Variants in NEGR1 observed in about 807,000 individuals in gnomAD.
NEGR1 encodes the protein neuronal growth regulator 1, also known as IgLON family member 4.
A neutral mutation model predicts 40.9 loss-of-function variants in NEGR1; 10 were observed. That is an observed-to-expected ratio of 0.24 (90% CI 0.15 to 0.42). The LOEUF is 0.42. Ranked by LOEUF, NEGR1 falls within the 10% of genes least tolerant of loss-of-function variation. NEGR1 has a pLI of 1.00. For synonymous variants in NEGR1, 185 were observed against 166.8 expected (o/e 1.11, Z -0.84); for missense variants, 352 against 438.9 (o/e 0.80, Z 1.77).
chr1:72,120,435 A>C (rs1386305744), intron 1 of NEGR1, among the ~76,000 whole-genome samples: 1 of 152,046 alleles, frequency 6.6e-6, no homozygotes, highest in Non-Finnish European at 1.5e-5. Flanking sequence ...TTAAGGATGA[A>C]ATTAGCCACC....
At chr1:71,942,853 G>A (rs1015003977) in intron 1 of NEGR1, among the ~76,000 whole-genome samples, 1 of 139,588 alleles carries the variant, frequency 7.2e-6, no homozygotes, top group South Asian at 2.5e-4. Context: ...CCAGGCTTGA[G>A]TACAGTGGAA....
chr1:72,263,241 C>T (rs1388410430), intron 1 of NEGR1, among the ~76,000 whole-genome samples: 1 of 151,540 alleles, frequency 6.6e-6, no homozygotes, highest in Non-Finnish European at 1.5e-5. Context: ...TTTCTCAACA[C>T]ATTCATATTA....
chr1:71,976,666 A>C (rs1228941482), intron 1 of NEGR1, among the ~76,000 whole-genome samples: 2 of 152,306 alleles, frequency 1.3e-5, no homozygotes, highest in Non-Finnish European at 2.9e-5. Context: ...TGAGTTTATA[A>C]GTGAAATAAA....
At chr1:71,770,966 A>G (rs1342520476) in intron 3 of NEGR1, among the ~76,000 whole-genome samples, 1 of 152,184 alleles carries the variant, frequency 6.6e-6, no homozygotes, top group Admixed American at 6.5e-5. Context: ...TACCCAAAGG[A>G]TTATAAATCA....
At chr1:71,841,663 A>T (rs745578442) in intron 2 of NEGR1, among the ~76,000 whole-genome samples, 74 of 152,298 alleles carry the variant, frequency 4.9e-4, no homozygotes, top group Middle Eastern at 6.8e-3. Flanking sequence ...CCTCATCTTC[A>T]GAATAAAAAG....
At chr1:71,808,856 C>T (rs1657877805) in intron 2 of NEGR1, among the ~76,000 whole-genome samples, 1 of 152,074 alleles carries the variant, frequency 6.6e-6, no homozygotes, top group Non-Finnish European at 1.5e-5. Flanking sequence ...TCAATGCATA[C>T]CAACATAGCT....
At chr1:72,157,376 T>C (rs750644356) in intron 1 of NEGR1, among the ~76,000 whole-genome samples, 1 of 152,222 alleles carries the variant, frequency 6.6e-6, no homozygotes, top group Non-Finnish European at 1.5e-5. Context: ...ATAGACATTA[T>C]GATAAAAGAT....
intron 2 of NEGR1, among the ~76,000 whole-genome samples, chr1:71,880,949 A>G (rs1660567925): frequency 6.6e-6 from 1 of 152,064 alleles, no homozygotes. Flanking sequence ...GATAGGCAAC[A>G]TATTCAATAA....
intron 6 of NEGR1, among the ~76,000 whole-genome samples, chr1:71,538,141 C>T (rs357240): frequency 0.99 from 150,016 of 151,764 alleles, 74,160 homozygotes; most frequent in East Asian, 1. Context: ...CCTTAGTAAA[C>T]GTAATTTTGG....
At chr1:72,119,351 T>G (rs551357160) in intron 1 of NEGR1, among the ~76,000 whole-genome samples, 8 of 152,062 alleles carry the variant, frequency 5.3e-5, no homozygotes, top group African/African-American at 1.9e-4. Context: ...ACACTGCTTT[T>G]TCTTTTGTTT....
At chr1:71,874,334 G>A (rs141888824) in intron 2 of NEGR1, among the ~76,000 whole-genome samples, 8 of 152,268 alleles carry the variant, frequency 5.3e-5, no homozygotes, top group African/African-American at 1.7e-4. Flanking sequence ...GTATTTAGGA[G>A]TAATTTGCAA....
intron 1 of NEGR1, among the ~76,000 whole-genome samples, chr1:72,243,912 T>A (rs1390259994): frequency 1.3e-5 from 2 of 151,794 alleles, no homozygotes; most frequent in East Asian, 3.8e-4. Flanking sequence ...ATCAAGGTCT[T>A]AAATTTAAAC....
chr1:72,172,150 A>G (rs928613933), intron 1 of NEGR1, among the ~76,000 whole-genome samples: 5 of 152,176 alleles, frequency 3.3e-5, no homozygotes, highest in Non-Finnish European at 2.9e-5. Context: ...ATGATGCAGT[A>G]TTTTCATTTT....
intron 2 of NEGR1, among the ~76,000 whole-genome samples, chr1:71,918,983 T>A (rs1304004216): frequency 2.0e-5 from 3 of 152,214 alleles, no homozygotes; most frequent in African/African-American, 7.2e-5. Context: ...GATAAAAATT[T>A]GCAGTACTGT....
chr1:71,468,947 C>T (rs1024271991), intron 6 of NEGR1: 1 of 152,042 alleles, frequency 6.6e-6, no homozygotes, highest in Non-Finnish European at 1.5e-5. Context: ...AAGTAAAACT[C>T]TCAAATTCTT....
chr1:71,818,989 T>C (rs1175698251), intron 2 of NEGR1, among the ~76,000 whole-genome samples: 1 of 152,020 alleles, frequency 6.6e-6, no homozygotes, highest in African/African-American at 2.4e-5. Context: ...AGATTAGGTA[T>C]AGGCAATTGA....
At chr1:71,915,647 C>G (rs902951293) in intron 2 of NEGR1, among the ~76,000 whole-genome samples, 17 of 152,100 alleles carry the variant, frequency 1.1e-4, no homozygotes, top group Admixed American at 3.9e-4. Context: ...TAATATAGCT[C>G]CTAAGTGGCA....
intron 1 of NEGR1, among the ~76,000 whole-genome samples, chr1:71,970,582 C>T (rs1646247804): frequency 1.3e-5 from 2 of 152,160 alleles, no homozygotes; most frequent in African/African-American, 4.8e-5. Flanking sequence ...GATCCAGCTC[C>T]TCCTTGGGAG....
At chr1:71,529,798 G>C (rs918390547) in intron 6 of NEGR1, among the ~76,000 whole-genome samples, 2 of 150,954 alleles carry the variant, frequency 1.3e-5, no homozygotes, top group Admixed American at 6.6e-5. Context: ...TGTGAAAAAC[G>C]CCCCTTACCT....
Sources: gnomAD v4.1 joint callset for allele counts (sites outside exome capture counted in the v4.1 genomes callset) on GRCh38, gnomAD v4.1.1 for gene constraint, MANE v1.5 for transcripts, NCBI Gene and HGNC (gene_info 2026-07-23, HGNC 2026-07-21) for gene names.